The following PROX1 variants were observed in gnomAD, a reference collection of about 807,000 sequenced individuals.
PROX1 encodes the protein prospero homeobox 1, also known as prospero homeobox protein 1.
A neutral mutation model predicts 58.8 loss-of-function variants in PROX1; 7 were observed. That is an observed-to-expected ratio of 0.12 (90% CI 0.07 to 0.22). PROX1 has a LOEUF of 0.22. Among genes scored for constraint, PROX1 ranks in the 10% least tolerant of loss-of-function variants. The pLI, the probability that PROX1 is intolerant of heterozygous loss-of-function variation, is 1.00. For synonymous variants in PROX1, 350 were observed against 358.3 expected, an observed-to-expected ratio of 0.98 and a Z score of 0.26; for missense variants, 675 against 927.8, an observed-to-expected ratio of 0.73 and a Z score of 3.54.
intron 4 of PROX1, among the ~76,000 whole-genome samples, chr1:214,023,577 T>C (rs749165293): frequency 9.2e-5 from 14 of 152,318 alleles, no homozygotes; most frequent in Non-Finnish European, 1.9e-4. Flanking sequence ...TACTTGGTAG[T>C]GTTTGCAAAA....
chr1:214,025,455 C>A (rs968778785), intron 4 of PROX1, among the ~76,000 whole-genome samples: 10 of 152,170 alleles, frequency 6.6e-5, no homozygotes, highest in Admixed American at 2.0e-4. Context: ...TGGCTTCAAG[C>A]TAAGAATGAC....
At chr1:214,033,181 C>T (rs1470043117) in intron 4 of PROX1, among the ~76,000 whole-genome samples, 1 of 152,216 alleles carries the variant, frequency 6.6e-6, no homozygotes. Context: ...CACACCTTCA[C>T]CCCTCAAAGC....
At chr1:213,996,412 G>A (rs1663264040) in intron 1 of PROX1, 57 bp from the exon 2 acceptor site, 4 of 1,221,164 alleles carry the variant, frequency 3.3e-6, no homozygotes, top group Non-Finnish European at 4.5e-6. Context: ...TTGAGGTCAG[G>A]AAATTTGGAG....
chr1:214,012,392 T>C (rs768177724), intron 4 of PROX1, among the ~76,000 whole-genome samples: 2 of 151,956 alleles, frequency 1.3e-5, no homozygotes, highest in Admixed American at 1.3e-4. Context: ...CTGTGACGTG[T>C]ATATTCTAGA....
In PROX1 at chr1:214,035,831, G is replaced by C. The variant is rs370883938; in HGVS notation, c.2211G>C (p.Glu737Asp). ...ACTGCCTACAAGAGCTGCTTCATGA[G>C]TAGAAATTTCAACAACTCTTTTTGA... is the stretch of plus-strand genomic sequence containing the variant. ...SPNCLQELLHE is the reference protein window; with the variant it reads ...SPNCLQELLHD Residue 737 changes from glutamate (E) to aspartate (D), a missense_variant, in exon 5 of 5, where the codon GAG becomes GAC. Physicochemically the swap from Glu to Asp is conservative, Grantham distance 45 (BLOSUM62 2). Coordinates refer to ENST00000366958, the MANE Select transcript of PROX1 (RefSeq NM_001270616.2). 1 of 1,605,998 alleles carries C rather than the reference G, an allele frequency of 6.2e-7. No homozygotes were observed. The highest frequency in any genetic ancestry group is 8.5e-7 in the Non-Finnish European group (1 of 1,176,382).
intron 3 of PROX1, among the ~76,000 whole-genome samples, chr1:214,005,658 T>C (rs1175622571): frequency 2.6e-5 from 4 of 152,216 alleles, no homozygotes; most frequent in Non-Finnish European, 4.4e-5. Flanking sequence ...CCCATATTTG[T>C]GCTTATGAAA....
upstream of PROX1, chr1:213,987,755 G>A (rs1662863375): frequency 6.9e-6 from 1 of 144,900 alleles, no homozygotes; most frequent in African/African-American, 2.5e-5. Context: ...GGGGAGCGCA[G>A]GGCCCCTCTC....
intron 4 of PROX1, among the ~76,000 whole-genome samples, chr1:214,028,551 C>T (rs140928709): frequency 1.6e-3 from 251 of 152,326 alleles, no homozygotes; most frequent in African/African-American, 5.4e-3. Context: ...CCTCTCAAAA[C>T]GATGCTTTGC....
intron 2 of PROX1, among the ~76,000 whole-genome samples, chr1:213,998,885 A>G (rs762172435): frequency 1.6e-4 from 25 of 151,644 alleles, no homozygotes; most frequent in Non-Finnish European, 3.4e-4. Context: ...TTTTTTTTTT[A>G]AGGAAATATA....
upstream of PROX1, chr1:213,986,106 C>G (rs1249744551): frequency 6.6e-6 from 1 of 152,282 alleles, no homozygotes; most frequent in East Asian, 1.9e-4. Context: ...TTATTCCGTC[C>G]TGTATCTAAT....
intron 2 of PROX1, among the ~76,000 whole-genome samples, chr1:214,002,996 A>G (rs1187380836): frequency 6.6e-6 from 1 of 152,244 alleles, no homozygotes; most frequent in East Asian, 1.9e-4. Context: ...TATTACCAAC[A>G]GGAAACATTT....
chr1:213,995,078 G>A (rs1480723048), intron 1 of PROX1, among the ~76,000 whole-genome samples: 1 of 152,092 alleles, frequency 6.6e-6, no homozygotes, highest in Non-Finnish European at 1.5e-5. Flanking sequence ...TGAACCGAAA[G>A]AGATGGGAGC....
At chr1:214,006,114 A>G (rs909565843) in intron 3 of PROX1, among the ~76,000 whole-genome samples, 8 of 152,184 alleles carry the variant, frequency 5.3e-5, no homozygotes, top group Non-Finnish European at 8.8e-5. Context: ...GATAAACACT[A>G]CATTAGCTGA....
Position 213,997,793 on chromosome 1 carries a change from C to A in PROX1, c.1258C>A (p.Pro420Thr). The change falls in exon 2 of 5, where the codon CCC becomes ACC. Residue 420 changes from proline (P) to threonine (T), a missense_variant. Physicochemically the swap from Pro to Thr is conservative, Grantham distance 38 (BLOSUM62 -1). Transcript: ENST00000366958. This position sits in a 1 kb window ranked among gnomAD's most constrained non-coding sequence, Gnocchi z 7.1. ...QCFGDVIIPN[P>T]LDTFGNVQMA... The stretch of plus-strand genomic sequence containing the variant: ...CTTTGGCGACGTCATCATTCCGAAC[C>A]CCCTGGACACCTTTGGCAATGTGCA... 1.2e-6 allele frequency: 2 copies of A among 1,614,266 alleles called. No homozygotes were observed. Among genetic ancestry groups the A allele is most frequent in the Non-Finnish European group, 1.7e-6 (2 of 1,180,044 alleles).
intron 4 of PROX1, among the ~76,000 whole-genome samples, chr1:214,033,532 A>G (rs1245534461): frequency 6.6e-6 from 1 of 152,198 alleles, no homozygotes; most frequent in Non-Finnish European, 1.5e-5. Context: ...CAGGAGGCAG[A>G]GGTTGCAGTG....
At chr1:213,985,465 G>T (rs537764421), upstream of PROX1, 1 of 152,376 alleles carries the variant, frequency 6.6e-6, no homozygotes, top group Non-Finnish European at 1.5e-5. Flanking sequence ...AACCGATCTC[G>T]CTCGCCTAGC....
intron 4 of PROX1, among the ~76,000 whole-genome samples, chr1:214,034,034 G>GAA (rs2102784693): frequency 6.6e-6 from 1 of 152,318 alleles, no homozygotes; most frequent in South Asian, 2.1e-4. Context: ...GGGCCAGTGT[G>GAA]AAAGTCTTTA....
intron 2 of PROX1, among the ~76,000 whole-genome samples, chr1:214,001,815 G>T (rs1018530131): frequency 1.3e-5 from 2 of 151,436 alleles, no homozygotes; most frequent in African/African-American, 4.9e-5. Context: ...AAAGACTTTG[G>T]GCTCCTACAC....
intron 3 of PROX1, among the ~76,000 whole-genome samples, chr1:214,010,499 C>A (rs1053053817): frequency 6.6e-6 from 1 of 152,016 alleles, no homozygotes; most frequent in African/African-American, 2.4e-5. Context: ...ACATCTTTTT[C>A]TGGGGGCCCA....
Sources: allele counts gnomAD v4.1 joint callset (sites outside exome capture counted in the v4.1 genomes callset), GRCh38; gene constraint gnomAD v4.1.1; non-coding constraint Gnocchi (gnomAD v3.1); transcripts MANE v1.5; gene names NCBI Gene and HGNC (gene_info 2026-07-23, HGNC 2026-07-21).